The following FAM193A variants were observed in gnomAD, a reference collection of about 807,000 sequenced individuals.
The protein encoded by FAM193A is family with sequence similarity 193 member A.
In FAM193A, 22 loss-of-function variants were observed where a neutral mutation model predicts 126.5. The observed-to-expected ratio is 0.17, with a 90% CI of 0.12 to 0.25. The LOEUF is 0.25. FAM193A is among the 10% of genes least tolerant of loss of function. The pLI is 1.00. For synonymous variants in FAM193A, 761 were observed against 646.8 expected, an observed-to-expected ratio of 1.18 and a Z score of -2.68; for missense variants, 1,675 against 1,672.8, an observed-to-expected ratio of 1.00 and a Z score of -0.02.
chr4:2,541,798 T>C (rs1399698682), intron 1 of FAM193A, among the ~76,000 whole-genome samples: 4 of 152,012 alleles, frequency 2.6e-5, no homozygotes, highest in Admixed American at 6.6e-5. Context: ...TTACTGTATT[T>C]TAAGCTTTTA....
intron 13 of FAM193A, among the ~76,000 whole-genome samples, chr4:2,679,860 A>ATT (rs35159259): frequency 1.4e-5 from 2 of 144,070 alleles, no homozygotes; most frequent in African/African-American, 2.6e-5. Context: ...TTATTGGGTG[A>ATT]TTTTTTTTTT....
At chr4:2,654,925 C>T (rs984521225) in intron 7 of FAM193A, 12 of 465,286 alleles carry the variant, frequency 2.6e-5, no homozygotes, top group African/African-American at 2.3e-4. Context: ...CGCCAGATGC[C>T]GGCATTAACT....
intron 1 of FAM193A, among the ~76,000 whole-genome samples, chr4:2,587,067 A>G (rs1449335635): frequency 6.6e-6 from 1 of 152,194 alleles, no homozygotes; most frequent in Non-Finnish European, 1.5e-5. Flanking sequence ...AAACTTCTGT[A>G]TCTTAGTCCG....
chr4:2,698,979 C>T (rs1717351975), intron 18 of FAM193A, among the ~76,000 whole-genome samples: 2 of 152,202 alleles, frequency 1.3e-5, no homozygotes, highest in South Asian at 4.1e-4. Flanking sequence ...CTCATTGCAG[C>T]CTCAACCTCC....
intron 13 of FAM193A, among the ~76,000 whole-genome samples, chr4:2,673,652 C>G (rs1714073120): frequency 6.6e-6 from 1 of 151,418 alleles, no homozygotes. Context: ...GGTTTGTAGC[C>G]TGATTTTCTC....
At chr4:2,655,446 C>G (rs1313701848) in intron 7 of FAM193A, among the ~76,000 whole-genome samples, 1 of 151,332 alleles carries the variant, frequency 6.6e-6, no homozygotes, top group Non-Finnish European at 1.5e-5. Context: ...TGCGTGTGCG[C>G]CTGTGTGTGT....
rs1322279431 is a variant in FAM193A at position 2,672,302 on chromosome 4, C to T, written c.2261C>T (p.Thr754Ile). 6.2e-7 allele frequency: 1 copy of T among 1,614,210 alleles called. No homozygotes were observed. The highest frequency in any genetic ancestry group is 8.5e-7 in the Non-Finnish European group (1 of 1,180,028). Residue 754 changes from threonine to isoleucine, a missense_variant, in exon 13 of 21, where the codon ACT (threonine) becomes ATT (isoleucine). Thr to Ile is a moderately conservative substitution (Grantham distance 89). Coordinates refer to ENST00000637812, the MANE Select transcript of FAM193A (RefSeq NM_001366318.2). ...PHIHGHVPLH[T>I]VPHLPRPLIH... The stretch of plus-strand genomic sequence containing the variant: ...ATCCATGGACATGTGCCTTTGCACA[C>T]TGTTCCACACCTGCCACGCCCTCTC...
intron 1 of FAM193A, among the ~76,000 whole-genome samples, chr4:2,588,307 C>T (rs1231149602): frequency 1.3e-5 from 2 of 152,178 alleles, no homozygotes; most frequent in Admixed American, 6.5e-5. Flanking sequence ...TACCTTAAGT[C>T]GTCTCCTCAT....
chr4:2,731,795 G>A lies in FAM193A; in HGVS notation c.4475G>A (p.Arg1492Lys), dbSNP rs746150759. Residue 1492 changes from arginine to lysine, a missense_variant, in exon 21 of 21, where the codon AGA becomes AAA. Transcript: ENST00000637812. ...YFKRFCLDSA[R>K]QTRQRLSINW... Reference sequence around the variant, plus strand: ...TGCAGGTTCTGCTTGGATTCTGCTAGACAGACCCGACAAAGACTGTCTATC... The same window carrying A: ...TGCAGGTTCTGCTTGGATTCTGCTAAACAGACCCGACAAAGACTGTCTATC... 6.2e-7 allele frequency: 1 copy of A among 1,614,082 alleles called. No homozygotes were observed. The highest frequency in any genetic ancestry group is 1.1e-5 in the South Asian group (1 of 91,080).
chr4:2,726,807 G>A (rs577004519), intron 20 of FAM193A, among the ~76,000 whole-genome samples: 65 of 144,450 alleles, frequency 4.5e-4, no homozygotes, highest in African/African-American at 1.4e-3. Flanking sequence ...AAAAAAAGCC[G>A]GGTGTGGTGG....
intron 5 of FAM193A, among the ~76,000 whole-genome samples, chr4:2,638,313 G>A (rs1326812950): frequency 6.6e-6 from 1 of 152,174 alleles, no homozygotes; most frequent in Non-Finnish European, 1.5e-5. Context: ...CCTGGCACAG[G>A]GCCTGGGCAG....
At chr4:2,675,545 C>T (rs916688805) in intron 13 of FAM193A, among the ~76,000 whole-genome samples, 5 of 152,188 alleles carry the variant, frequency 3.3e-5, no homozygotes, top group Non-Finnish European at 7.3e-5. Flanking sequence ...GTCTGCTCTG[C>T]CTGAAATTAA....
chr4:2,659,899 G>C lies in FAM193A; in HGVS notation c.1590G>C (p.Gln530His). ...TCACTGATGACATCCACATTCACCA[G>C]CTCCCACTTCAAGTGGATCCTGCTC... ...PPVTDDIHIHQLPLQVDPAPD... is the reference protein window; with the variant it reads ...PPVTDDIHIHHLPLQVDPAPD... The change falls in exon 10 of 21, where the codon CAG (glutamine) becomes CAC (histidine). Residue 530 changes from glutamine (Q) to histidine (H), a missense_variant. By Grantham distance (24) the Gln-to-His change is conservative. Around this residue, in one of 4 missense-constraint regions of FAM193A, gnomAD observed 1,186 missense variants for 1,109.2 expected, o/e 1.07. Coordinates refer to ENST00000637812, the MANE Select transcript of FAM193A (RefSeq NM_001366318.2). The C allele has an allele frequency of 6.2e-7, 1 of 1,614,112 alleles. No individual in the cohort carries two copies. Among genetic ancestry groups the C allele is most frequent in the South Asian group, 1.1e-5 (1 of 91,064 alleles).
At chr4:2,668,294 AC>A (rs1315773237) in intron 12 of FAM193A, among the ~76,000 whole-genome samples, 1 of 151,204 alleles carries the variant, frequency 6.6e-6, no homozygotes, top group Non-Finnish European at 1.5e-5. Context: ...GCTCACTGCA[AC>A]CTCTGCTTCC....
At chr4:2,558,208 G>T (rs557996334) in intron 1 of FAM193A, among the ~76,000 whole-genome samples, 1 of 151,658 alleles carries the variant, frequency 6.6e-6, no homozygotes, top group Admixed American at 6.6e-5. Context: ...GGAGGAGGTT[G>T]CAGTGAGCCT....
At chr4:2,672,732 T>C (rs576714193) in intron 13 of FAM193A, among the ~76,000 whole-genome samples, 2 of 152,316 alleles carry the variant, frequency 1.3e-5, no homozygotes, top group East Asian at 1.9e-4. Flanking sequence ...CTTAATTTGA[T>C]AGGTAAAATA....
intron 6 of FAM193A, among the ~76,000 whole-genome samples, chr4:2,640,395 A>G (rs1744495587): frequency 1.3e-5 from 2 of 152,168 alleles, no homozygotes; most frequent in African/African-American, 2.4e-5. Flanking sequence ...TGCAGAGTGC[A>G]GCAGTCACTC....
chr4:2,619,917 CT>C (rs1391775774), intron 2 of FAM193A, among the ~76,000 whole-genome samples: 2 of 152,062 alleles, frequency 1.3e-5, no homozygotes, highest in Non-Finnish European at 2.9e-5. Flanking sequence ...TCTCGAACAC[CT>C]GACCTCAAGT....
intron 5 of FAM193A, among the ~76,000 whole-genome samples, chr4:2,635,361 CT>C (rs1309407848): frequency 6.6e-6 from 1 of 152,086 alleles, no homozygotes; most frequent in Non-Finnish European, 1.5e-5. Context: ...TTTATGCAGA[CT>C]TACATCAGTA....
Sources: gnomAD v4.1 joint callset for allele counts (sites outside exome capture counted in the v4.1 genomes callset) on GRCh38, gnomAD v4.1.1 for gene constraint, gnomAD v4.1.1 regional missense constraint, MANE v1.5 for transcripts, NCBI Gene and HGNC (gene_info 2026-07-23, HGNC 2026-07-21) for gene names.